The following XRN1 variants were observed in gnomAD, a reference collection of about 807,000 sequenced individuals.
The protein encoded by XRN1 is 5'-3' exoribonuclease 1.
A neutral mutation model predicts 222.3 loss-of-function variants in XRN1; 67 were observed. The observed-to-expected ratio is 0.30, with a 90% CI of 0.25 to 0.37. XRN1 has a LOEUF of 0.37. XRN1 is among the 10% of genes least tolerant of loss of function. The probability of loss-of-function intolerance (pLI) is 1.00; values close to 1 mark genes in which losing one functional copy is unlikely to be tolerated. For synonymous variants in XRN1, 643 were observed against 652.4 expected (o/e 0.99, Z 0.22); for missense variants, 1,707 against 2,000.2 (o/e 0.85, Z 2.80).
At position 142,318,876 on chromosome 3, in the gene XRN1, A is replaced by G. The variant is rs1364651144; in HGVS notation, c.4432T>C (p.Ser1478Pro). 1 of 1,613,836 alleles carries G rather than the reference A, an allele frequency of 6.2e-7. No individual in the cohort carries two copies. The highest frequency in any genetic ancestry group is 1.1e-5 in the South Asian group (1 of 91,080). ...QTMTVCQVKL[S>P]NGLLVHGPQC... ...GGCCCATGTACCAGTAAGCCATTAG[A>G]TAATTTTACTTGGCAAACGGTCATT... Residue 1478 changes from serine to proline, a missense_variant, in exon 38 of 41, where the codon TCT becomes CCT. Physicochemically the swap from Ser to Pro is moderately conservative, Grantham distance 74. Coordinates refer to ENST00000392981, the MANE Select transcript of XRN1 (RefSeq NM_001282857.2).
chr3:142,413,293 T>C (rs1055250851), intron 14 of XRN1, among the ~76,000 whole-genome samples: 1 of 152,212 alleles, frequency 6.6e-6, no homozygotes, highest in Non-Finnish European at 1.5e-5. Context: ...GCATGGGCAC[T>C]GTACGATAAA....
chr3:142,334,765 TATAC>T (rs1181771669), intron 34 of XRN1, among the ~76,000 whole-genome samples: 6 of 114,142 alleles, frequency 5.3e-5, no homozygotes, highest in African/African-American at 2.6e-4. Context: ...TATGTCTATG[TATAC>T]ACACACACAC....
chr3:142,438,662 C>T (rs1577453465), intron 1 of XRN1, among the ~76,000 whole-genome samples: 1 of 152,124 alleles, frequency 6.6e-6, no homozygotes, highest in East Asian at 1.9e-4. Context: ...AAAGAAATGA[C>T]TTATACTCTT....
chr3:142,400,810 C>G (rs983190303), intron 18 of XRN1, among the ~76,000 whole-genome samples: 7 of 151,958 alleles, frequency 4.6e-5, no homozygotes, highest in African/African-American at 1.7e-4. Flanking sequence ...CCCAGCTACC[C>G]GGAGGCTGAG....
rs144843425 is a variant in XRN1, at chr3:142,356,920, G to C, written c.3664C>G (p.Pro1222Ala). 2.8e-4 allele frequency: 459 copies of C among 1,613,838 alleles called. No individual in the cohort carries two copies. The African/African-American group carries it at 5.6e-3, about 20-fold the overall frequency. Residue 1222 changes from proline (P) to alanine (A), a missense_variant, in exon 31 of 41, where the codon CCT (proline) becomes GCT (alanine). Transcript: ENST00000392981. ...AAGACTGAGAGTCTTACTTGAGTAG[G>C]AACAAAAAGTGATTGAGGGGAATGG... ...LNHSPQSLFV[P>A]TQVPTKDDDE...
chr3:142,395,697 T>C (rs1180193376), intron 20 of XRN1, among the ~76,000 whole-genome samples: 2 of 152,218 alleles, frequency 1.3e-5, no homozygotes, highest in Non-Finnish European at 2.9e-5. Context: ...CTCTTCAAAA[T>C]ATACGGTGTG....
intron 30 of XRN1, among the ~76,000 whole-genome samples, chr3:142,358,449 G>T (rs1283304474): frequency 6.6e-6 from 1 of 152,016 alleles, no homozygotes; most frequent in Non-Finnish European, 1.5e-5. Context: ...AGAAACCTTT[G>T]TAAGTTCAAG....
rs747434213 is a variant in XRN1 at position 142,384,651 on chromosome 3, T to A, written c.2374A>T (p.Thr792Ser). The change falls in exon 21 of 41, where the codon ACA becomes TCA. Residue 792 changes from threonine to serine, a missense_variant. By Grantham distance (58) the Thr-to-Ser change is moderately conservative (BLOSUM62 1). Coordinates refer to ENST00000392981, the MANE Select transcript of XRN1 (RefSeq NM_001282857.2). ...AACTGAGCATACACAACTGCAGATGTTTCATTTATTATTATTCCTTTTCTT... is the reference window on the plus strand; with the variant it reads ...AACTGAGCATACACAACTGCAGATGATTCATTTATTATTATTCCTTTTCTT... ...LRRKGIIINE[T>S]SAVVYAQLLT... 1.4e-5 allele frequency: 22 copies of A among 1,600,896 alleles called. No individual in the cohort carries two copies. The African/African-American group carries it at 2.7e-4, about 20-fold the overall frequency.
At chr3:142,427,911 G>A (rs1298150178) in intron 2 of XRN1, among the ~76,000 whole-genome samples, 1 of 152,196 alleles carries the variant, frequency 6.6e-6, no homozygotes, top group Non-Finnish European at 1.5e-5. Flanking sequence ...TTTCTGTGAT[G>A]AACAAACTCT....
chr3:142,414,497 A>ATT (rs35156679), intron 13 of XRN1, among the ~76,000 whole-genome samples: 11 of 143,892 alleles, frequency 7.6e-5, no homozygotes, highest in Non-Finnish European at 9.2e-5. Context: ...CATTTCCTGA[A>ATT]TTTTTTTTTT....
chr3:142,381,543 ACT>A (rs886781400), intron 22 of XRN1, among the ~76,000 whole-genome samples: 3 of 145,892 alleles, frequency 2.1e-5, no homozygotes, highest in Non-Finnish European at 4.5e-5. Context: ...TTTTTATAAC[ACT>A]GACCTTTTAA....
intron 6 of XRN1, among the ~76,000 whole-genome samples, chr3:142,423,197 T>C (rs567092451): frequency 5.9e-4 from 90 of 152,252 alleles, no homozygotes; most frequent in Admixed American, 1.1e-3. Context: ...ATAGTAGAAG[T>C]AAGAAACTAC....
intron 20 of XRN1, among the ~76,000 whole-genome samples, chr3:142,389,087 G>C (rs771957767): frequency 3.8e-4 from 58 of 152,270 alleles, no homozygotes; most frequent in Middle Eastern, 3.4e-3. Context: ...GGTGGCGCTT[G>C]CCTGAATCCC....
At position 142,404,987 on chromosome 3, in the gene XRN1, G is replaced by A; in HGVS notation, c.1803C>T (p.Cys601=). 6.2e-7 allele frequency: 1 copy of A among 1,613,896 alleles called. No individual in the cohort carries two copies. Among genetic ancestry groups the A allele is most frequent in the South Asian group, 1.1e-5 (1 of 91,068 alleles). The part of the protein sequence containing the change: ...KRNQHSECLM[C]WYDRDTEFIY... ...TAAACTCTGTGTCTCTATCATACCA[G>A]CACATTAGGCACTCACTATGTTGGT... The change falls in exon 16 of 41, where the codon TGC becomes TGT. Residue 601 remains cysteine (C), a synonymous_variant. Coordinates refer to ENST00000392981, the MANE Select transcript of XRN1 (RefSeq NM_001282857.2).
At chr3:142,333,778 T>G (rs1289339272) in intron 34 of XRN1, among the ~76,000 whole-genome samples, 1 of 152,134 alleles carries the variant, frequency 6.6e-6, no homozygotes, top group Non-Finnish European at 1.5e-5. Context: ...TCCATCATGT[T>G]AGAATATGAG....
chr3:142,403,859 A>T lies in XRN1; in HGVS notation c.2004+10T>A. 6.2e-7 allele frequency: 1 copy of T among 1,612,494 alleles called. No homozygotes were observed. ...AAAGTGAAAAAATTCTGAACTAAAT[A>T]GCCACTGACTTTGTGTCTGATGTGT... On this transcript the variant is annotated intron_variant, in intron 17 of 40. Transcript: ENST00000392981.
chr3:142,369,667 A>C lies in XRN1; in HGVS notation c.3204+818T>G, dbSNP rs540777266. On this transcript the variant is annotated intron_variant, in intron 27 of 40. Transcript: ENST00000392981. ...TGTCTCCAAAATTAAAAAAAAAAAA[A>C]AAAACAAGAGTATATTTTAGAATTG... Among the ~76,000 whole-genome samples, 38 of 151,386 alleles carry C rather than the reference A, an allele frequency of 2.5e-4. No individual in the cohort carries two copies. In the South Asian group the frequency reaches 5.0e-3, roughly 20 times the overall value.
intron 27 of XRN1, among the ~76,000 whole-genome samples, chr3:142,367,054 G>A (rs9815493): frequency 0.11 from 17,322 of 152,150 alleles, 1,283 homozygotes; most frequent in Admixed American, 0.19. Context: ...TTGGGAGGCC[G>A]AGGCAGGTGG....
intron 1 of XRN1, among the ~76,000 whole-genome samples, chr3:142,443,185 A>C (rs989501945): frequency 1.3e-5 from 2 of 152,180 alleles, no homozygotes; most frequent in Non-Finnish European, 2.9e-5. Flanking sequence ...CCATGCGCTG[A>C]TGTTAATGAC....
Sources: gnomAD v4.1 joint callset for allele counts (sites outside exome capture counted in the v4.1 genomes callset) on GRCh38, gnomAD v4.1.1 for gene constraint, MANE v1.5 for transcripts, NCBI Gene and HGNC (gene_info 2026-07-23, HGNC 2026-07-21) for gene names.